The following THADA variants were observed in gnomAD, a reference collection of about 807,000 sequenced individuals.
THADA encodes the protein tRNA (32-2'-O)-methyltransferase regulator THADA.
Under a neutral mutation model 219.8 loss-of-function variants are expected in THADA, and 213 were observed. The ratio of observed to expected loss-of-function variants is 0.97; its 90% CI spans 0.87 to 1.09. The LOEUF (loss-of-function observed/expected upper bound fraction) is 1.09. THADA is among the 50% of genes least tolerant of loss of function. The pLI is 0.00. For synonymous variants in THADA, 1,018 were observed against 828.9 expected (o/e 1.23, Z -3.92); for missense variants, 2,956 against 2,311.3 (o/e 1.28, Z -5.72).
intron 26 of THADA, among the ~76,000 whole-genome samples, chr2:43,451,324 C>T (rs889864549): frequency 3.3e-5 from 5 of 152,176 alleles, no homozygotes; most frequent in Non-Finnish European, 7.3e-5. Flanking sequence ...AACAGCTATC[C>T]ACACTCCTTA....
chr2:43,481,418 T>C (rs1159752987), intron 26 of THADA, among the ~76,000 whole-genome samples: 1 of 152,212 alleles, frequency 6.6e-6, no homozygotes, highest in Non-Finnish European at 1.5e-5. Context: ...GAATAGAGAT[T>C]GTACTTAACA....
chr2:43,317,528 G>T (rs1261067868), intron 31 of THADA, among the ~76,000 whole-genome samples: 1 of 152,146 alleles, frequency 6.6e-6, no homozygotes, highest in Non-Finnish European at 1.5e-5. Context: ...ACCTTATTTG[G>T]TGATATATTT....
Position 43,348,940 on chromosome 2 carries a change from C to T in THADA, c.4228-4703G>A, listed in dbSNP as rs112587955. 3.2e-3 allele frequency among the ~76,000 whole-genome samples: 493 copies of T among 152,184 alleles called. 3 individuals carry two copies. Among genetic ancestry groups the T allele is most frequent in the African/African-American group, 0.012 (484 of 41,510 alleles). On this transcript the variant is annotated intron_variant, in intron 29 of 37. Coordinates refer to ENST00000405975, the MANE Select transcript of THADA (RefSeq NM_022065.5). Reference sequence around the variant, plus strand: ...ATGCTTACCCCTAGCTGTAATAGGTCCCTTGGAGAAGGGTTAGAGGTGGAC... The same window carrying T: ...ATGCTTACCCCTAGCTGTAATAGGTTCCTTGGAGAAGGGTTAGAGGTGGAC...
At position 43,513,608 on chromosome 2, in the gene THADA, T is replaced by C. The variant is rs569708147; in HGVS notation, c.3375-4828A>G. Among the ~76,000 whole-genome samples the C allele has an allele frequency of 2.6e-5, 4 of 152,196 alleles. No individual in the cohort carries two copies. The East Asian group carries it at 7.7e-4, about 29-fold the overall frequency. ...TAACTCAGTGACTAGATCTATGATATCCCCAATTTCACTGTGAAGGGGGAC... is the reference window on the plus strand; with the variant it reads ...TAACTCAGTGACTAGATCTATGATACCCCCAATTTCACTGTGAAGGGGGAC... On this transcript the variant is annotated intron_variant, in intron 22 of 37. Coordinates refer to ENST00000405975, the MANE Select transcript of THADA (RefSeq NM_022065.5).
intron 25 of THADA, among the ~76,000 whole-genome samples, chr2:43,490,104 T>C (rs907987643): frequency 6.6e-6 from 1 of 152,212 alleles, no homozygotes. Flanking sequence ...AGTATTTTAT[T>C]CTTTTTGATG....
intron 26 of THADA, among the ~76,000 whole-genome samples, chr2:43,478,089 C>G (rs1413205857): frequency 6.6e-6 from 1 of 152,136 alleles, no homozygotes; most frequent in Non-Finnish European, 1.5e-5. Context: ...GTTGGTCTTA[C>G]CTCTCAATAA....
rs1278390841 is a variant in THADA at position 43,574,547 on chromosome 2, C to G, written c.1518G>C (p.Lys506Asn). 1.2e-6 allele frequency: 2 copies of G among 1,613,982 alleles called. No individual in the cohort carries two copies. The highest frequency in any genetic ancestry group is 1.6e-4 in the Middle Eastern group (1 of 6,062). ...CAGCAGTCTGGGATTTCAAATGACT[C>G]TTATGATTTCTAAACATGGTTTCCA... ...DLLETMFRNH[K>N]SHLKSQTAES... The change falls in exon 11 of 38, where the codon AAG becomes AAC. Residue 506 changes from lysine to asparagine, a missense_variant. Transcript: ENST00000405975.
At chr2:43,384,313 G>T (rs1242342515) in intron 29 of THADA, among the ~76,000 whole-genome samples, 1 of 152,164 alleles carries the variant, frequency 6.6e-6, no homozygotes, top group Non-Finnish European at 1.5e-5. Flanking sequence ...GAGCTCTTGG[G>T]GAGGGGCGAG....
chr2:43,352,900 C>A (rs1668442587), intron 29 of THADA, among the ~76,000 whole-genome samples: 1 of 152,166 alleles, frequency 6.6e-6, no homozygotes, highest in Admixed American at 6.5e-5. Flanking sequence ...ATCCTATACT[C>A]CAACCCTGGT....
intron 23 of THADA, among the ~76,000 whole-genome samples, 189 bp from the exon 24 acceptor site, chr2:43,505,924 C>T (rs927322833): frequency 2.6e-5 from 4 of 152,152 alleles, no homozygotes; most frequent in Admixed American, 1.3e-4. Context: ...GATTCTTCAT[C>T]GCTAAATTTA....
At chr2:43,397,935 T>C (rs560512546) in intron 29 of THADA, 36 bp downstream of exon 29, 3 of 1,608,702 alleles carry the variant, frequency 1.9e-6, no homozygotes, top group South Asian at 2.2e-5. Flanking sequence ...CATCTTATGG[T>C]GTTTGACAGA....
intron 17 of THADA, among the ~76,000 whole-genome samples, chr2:43,554,797 T>TA (rs1361371026): frequency 2.0e-5 from 3 of 152,182 alleles, no homozygotes; most frequent in African/African-American, 7.2e-5. Context: ...CATAAACTCT[T>TA]AGACATGTGC....
intron 28 of THADA, among the ~76,000 whole-genome samples, chr2:43,417,621 G>C (rs1051549313): frequency 2.0e-5 from 3 of 152,188 alleles, no homozygotes; most frequent in Non-Finnish European, 4.4e-5. Context: ...CCAAATGTTT[G>C]TTAGGTAAAG....
In THADA at chr2:43,452,786, C is replaced by G. The variant is rs1682503650; in HGVS notation, c.3837-22484G>C. On this transcript the variant is annotated intron_variant, in intron 26 of 37. Transcript: ENST00000405975. ...AACTGATCTTTTAAAATCTAATCAT[C>G]TGCTGTTACAAAGCATTTTTGGAGA... is the stretch of plus-strand genomic sequence containing the variant. Among the ~76,000 whole-genome samples, 3 of 152,200 alleles carry G rather than the reference C, an allele frequency of 2.0e-5. No individual in the cohort carries two copies. In the South Asian group the frequency reaches 6.2e-4, roughly 32 times the overall value.
chr2:43,342,214 T>A (rs1191468224), intron 30 of THADA, among the ~76,000 whole-genome samples: 1 of 151,966 alleles, frequency 6.6e-6, no homozygotes, highest in African/African-American at 2.4e-5. Flanking sequence ...TGACCCTGTC[T>A]AAAAAAAGGG....
chr2:43,511,826 G>T (rs1022484066), intron 22 of THADA, among the ~76,000 whole-genome samples: 1 of 152,170 alleles, frequency 6.6e-6, no homozygotes, highest in African/African-American at 2.4e-5. Context: ...CATGGGATCA[G>T]TACAGTGTCA....
At chr2:43,334,364 A>T (rs1666149475) in intron 30 of THADA, among the ~76,000 whole-genome samples, 1 of 152,084 alleles carries the variant, frequency 6.6e-6, no homozygotes, top group Admixed American at 6.5e-5. Flanking sequence ...AAGTGGATAG[A>T]TTATTAGAAT....
chr2:43,543,357 C>T (rs1695577588), intron 20 of THADA, among the ~76,000 whole-genome samples: 1 of 149,466 alleles, frequency 6.7e-6, no homozygotes, highest in South Asian at 2.2e-4. Flanking sequence ...GTCTTTATAG[C>T]AGCATGATTT....
chr2:43,578,349 A>T (rs1700074140), intron 9 of THADA, among the ~76,000 whole-genome samples, 164 bp downstream of exon 9: 1 of 150,732 alleles, frequency 6.6e-6, no homozygotes, highest in African/African-American at 2.4e-5. Flanking sequence ...GTCTAGCTAA[A>T]CTCCCCAGGC....
Sources: allele counts gnomAD v4.1 joint callset (sites outside exome capture counted in the v4.1 genomes callset), GRCh38; gene constraint gnomAD v4.1.1; transcripts MANE v1.5; gene names NCBI Gene and HGNC (gene_info 2026-07-23, HGNC 2026-07-21).